The following LARS2 variants were observed in gnomAD, a reference collection of about 807,000 sequenced individuals.
The protein encoded by LARS2 is leucine--tRNA ligase, mitochondrial.
A neutral mutation model predicts 116.6 loss-of-function variants in LARS2; 81 were observed. The observed-to-expected ratio is 0.69, with a 90% CI of 0.58 to 0.84. The LOEUF (loss-of-function observed/expected upper bound fraction) is 0.84. Among genes scored for constraint, LARS2 ranks in the 40% least tolerant of loss-of-function variants. The pLI is 0.00. For missense variants in LARS2, 968 were observed against 1,114.5 expected (o/e 0.87, Z 1.87); for synonymous variants, 396 against 407.2 (o/e 0.97, Z 0.33).
intron 20 of LARS2, among the ~76,000 whole-genome samples, chr3:45,529,550 C>CA (rs796789532): frequency 0.048 from 4,642 of 97,014 alleles, 105 homozygotes; most frequent in Middle Eastern, 0.085. Flanking sequence ...ACTCCATCTC[C>CA]AAAAAAAAAA....
At chr3:45,506,349 T>C (rs895133549) in intron 15 of LARS2, among the ~76,000 whole-genome samples, 7 of 152,044 alleles carry the variant, frequency 4.6e-5, no homozygotes, top group Non-Finnish European at 1.0e-4. Context: ...CAGCCACACA[T>C]GAAATGAAAA....
At chr3:45,424,490 C>CAGT (rs1435440118) in intron 6 of LARS2, among the ~76,000 whole-genome samples, 1 of 152,102 alleles carries the variant, frequency 6.6e-6, no homozygotes, top group Non-Finnish European at 1.5e-5. Flanking sequence ...CACGGACTAT[C>CAGT]AGTAGTAGTA....
chr3:45,450,554 TGTTTTTTATG>T (rs892144022), intron 7 of LARS2, among the ~76,000 whole-genome samples: 2 of 152,198 alleles, frequency 1.3e-5, no homozygotes, highest in African/African-American at 2.4e-5. Context: ...TTCATTTTAT[TGTTTTTTATG>T]GCTGAATAAT....
chr3:45,544,357 T>G (rs753955757), intron 21 of LARS2, among the ~76,000 whole-genome samples: 27 of 152,304 alleles, frequency 1.8e-4, no homozygotes, highest in Admixed American at 7.2e-4. Flanking sequence ...ATTTAACACC[T>G]CTAAGCCTCA....
chr3:45,469,748 A>G (rs1042439565), intron 8 of LARS2, among the ~76,000 whole-genome samples: 17 of 152,154 alleles, frequency 1.1e-4, no homozygotes, highest in Non-Finnish European at 2.1e-4. Context: ...GGGAATGTCT[A>G]TATTTTTAAA....
At chr3:45,462,651 A>C (rs1224569271) in intron 8 of LARS2, among the ~76,000 whole-genome samples, 1 of 152,184 alleles carries the variant, frequency 6.6e-6, no homozygotes, top group Non-Finnish European at 1.5e-5. Flanking sequence ...GATGGGCAGT[A>C]GGTGCTGGGA....
At chr3:45,406,869 A>G (rs1274691523) in intron 4 of LARS2, among the ~76,000 whole-genome samples, 1 of 152,192 alleles carries the variant, frequency 6.6e-6, no homozygotes, top group Middle Eastern at 3.2e-3. Flanking sequence ...GCCTGATGAC[A>G]TATTTAAAAC....
chr3:45,540,194 G>A (rs1014449503), intron 20 of LARS2, among the ~76,000 whole-genome samples: 2 of 152,100 alleles, frequency 1.3e-5, no homozygotes, highest in Non-Finnish European at 2.9e-5. Context: ...GGGAGGCAGA[G>A]GTTGCAGTGA....
At chr3:45,413,686 A>G (rs373088408) in intron 4 of LARS2, among the ~76,000 whole-genome samples, 1 of 152,242 alleles carries the variant, frequency 6.6e-6, no homozygotes, top group African/African-American at 2.4e-5. Context: ...GAATTGTTTC[A>G]TCGGACTACT....
chr3:45,524,076 TG>T lies in LARS2; in HGVS notation c.2374del (p.Ala792ProfsTer4), dbSNP rs2125759149. 6.2e-7 allele frequency: 1 copy of T among 1,613,470 alleles called. No homozygotes were observed. The highest frequency in any genetic ancestry group is 8.5e-7 in the Non-Finnish European group (1 of 1,179,392). The part of the protein sequence containing the change: ...LCALMVMAAP[L>X]APHVTSEIWA... ...GCCCTGATGGTAATGGCTGCTCCAC[TG>T]GCCCCTCATGTAACCTCAGAGATCT... On this transcript the variant is annotated frameshift_variant, in exon 20 of 22. Coordinates refer to ENST00000645846, the MANE Select transcript of LARS2 (RefSeq NM_015340.4). LOFTEE classifies it high-confidence loss of function.
intron 4 of LARS2, among the ~76,000 whole-genome samples, chr3:45,400,882 C>T (rs184746271): frequency 1.3e-5 from 2 of 151,884 alleles, no homozygotes; most frequent in South Asian, 2.1e-4. Flanking sequence ...GACGCAGTCT[C>T]GGCTCACTGC....
At chr3:45,492,972 C>G (rs1699949559) in intron 13 of LARS2, among the ~76,000 whole-genome samples, 2 of 152,232 alleles carry the variant, frequency 1.3e-5, no homozygotes, top group South Asian at 2.1e-4. Context: ...GCTTCCCTAC[C>G]AGAGATGTTG....
intron 10 of LARS2, 51 bp downstream of exon 10, chr3:45,476,678 G>T (rs758719406): frequency 2.4e-5 from 38 of 1,592,568 alleles, no homozygotes; most frequent in Middle Eastern, 1.9e-4. Flanking sequence ...CCTTACATTT[G>T]GATGGCGCCT....
In LARS2 at chr3:45,523,938, T is replaced by C. The variant is rs1700493250; in HGVS notation, c.2293-59T>C. The C allele has an allele frequency of 1.3e-5, 16 of 1,264,138 alleles. No homozygotes were observed. The South Asian group carries it at 1.9e-4, about 15-fold the overall frequency. 78.3% of individuals were successfully genotyped at this position (1,264,138 alleles called of 1,614,324 possible). A position where few individuals can be genotyped will look rare whatever the true frequency, so the allele number is the denominator to read the frequency against. ...TGGACTTCAGATACATTAATGGTCTTTCTTACCCGTGCTTATTTTTACACC... is the reference window on the plus strand; with the variant it reads ...TGGACTTCAGATACATTAATGGTCTCTCTTACCCGTGCTTATTTTTACACC... On this transcript the variant is annotated intron_variant, in intron 19 of 21. Transcript: ENST00000645846.
intron 10 of LARS2, among the ~76,000 whole-genome samples, chr3:45,482,351 A>AT (rs1465106453): frequency 6.6e-6 from 1 of 152,092 alleles, no homozygotes; most frequent in East Asian, 1.9e-4. Flanking sequence ...GCTTCATAGA[A>AT]TTTTCCTTAG....
At chr3:45,412,072 T>C (rs767490036) in intron 4 of LARS2, among the ~76,000 whole-genome samples, 1 of 152,232 alleles carries the variant, frequency 6.6e-6, no homozygotes, top group East Asian at 1.9e-4. Flanking sequence ...GTACCACATT[T>C]TCTTTATCCA....
chr3:45,520,396 G>A (rs1278485768), intron 19 of LARS2, 100 bp downstream of exon 19: 1 of 771,966 alleles, frequency 1.3e-6, no homozygotes, highest in East Asian at 2.5e-5. Flanking sequence ...CACCCCCACT[G>A]TGTCACCGCC....
chr3:45,480,116 T>C (rs550473420), intron 10 of LARS2, among the ~76,000 whole-genome samples: 23 of 152,204 alleles, frequency 1.5e-4, no homozygotes, highest in Non-Finnish European at 2.9e-4. Flanking sequence ...GGGTAATGGT[T>C]TGGTTTTCCA....
At chr3:45,430,595 T>TAA (rs1698690858) in intron 6 of LARS2, among the ~76,000 whole-genome samples, 1 of 126,406 alleles carries the variant, frequency 7.9e-6, no homozygotes. Context: ...TTTTTTTTTT[T>TAA]TTTTTTTGAG....
Sources: gnomAD v4.1 joint callset for allele counts (sites outside exome capture counted in the v4.1 genomes callset) on GRCh38, gnomAD v4.1.1 for gene constraint, MANE v1.5 for transcripts, NCBI Gene and HGNC (gene_info 2026-07-23, HGNC 2026-07-21) for gene names.